DNAH9: variants seen among roughly 807,000 people sequenced by gnomAD.
The protein encoded by DNAH9 is DNAH9 variant protein.
In DNAH9, 345 loss-of-function variants were observed where a neutral mutation model predicts 471.6. The ratio of observed to expected loss-of-function variants is 0.73; its 90% CI spans 0.67 to 0.80. The LOEUF is 0.80. Among genes scored for constraint, DNAH9 ranks in the 30% least tolerant of loss-of-function variants. The pLI is 0.00. For synonymous variants in DNAH9, 2,093 were observed against 2,123.6 expected (o/e 0.99, Z 0.40); for missense variants, 5,407 against 5,609.2 (o/e 0.96, Z 1.15).
At chr17:11,868,609 C>T (rs142513698) in intron 50 of DNAH9, among the ~76,000 whole-genome samples, 8 of 152,148 alleles carry the variant, frequency 5.3e-5, no homozygotes, top group African/African-American at 1.2e-4. Context: ...CAGCCCAGCC[C>T]CAGACTAGCT....
chr17:11,697,713 C>T (rs182102599), intron 22 of DNAH9, among the ~76,000 whole-genome samples: 102 of 152,140 alleles, frequency 6.7e-4, no homozygotes, highest in Middle Eastern at 3.4e-3. Flanking sequence ...TCTCTTTCAT[C>T]GTATTTTTAT....
Position 11,797,570 on chromosome 17 carries a change from G to C in DNAH9, c.8224-27G>C, listed in dbSNP as rs374490233. The stretch of plus-strand genomic sequence containing the variant: ...CCAGCCCCAGAAGTCAATAATGAGG[G>C]CCCTTATTCCTGTGTCTCATCACCA... On this transcript the variant is annotated intron_variant, in intron 42 of 68. Transcript: ENST00000262442. 5 of 1,575,406 alleles carry C rather than the reference G, an allele frequency of 3.2e-6. No homozygotes were observed. In the Admixed American group the frequency reaches 5.3e-5, roughly 17 times the overall value.
chr17:11,707,959 C>CCACA (rs756020074), intron 26 of DNAH9, among the ~76,000 whole-genome samples: 3 of 106,540 alleles, frequency 2.8e-5, no homozygotes, highest in East Asian at 3.0e-4. Flanking sequence ...GCCTCTCCCA[C>CCACA]CACACACACA....
chr17:11,605,064 C>T (rs2072470754), intron 1 of DNAH9, among the ~76,000 whole-genome samples: 1 of 152,280 alleles, frequency 6.6e-6, no homozygotes, highest in African/African-American at 2.4e-5. Flanking sequence ...ACTCTGTCCC[C>T]GCTTTCCTTG....
intron 3 of DNAH9, 145 bp from the exon 4 acceptor site, chr17:11,611,505 G>A: frequency 1.2e-6 from 1 of 801,820 alleles, no homozygotes; most frequent in Non-Finnish European, 2.0e-6. Flanking sequence ...GGGAACAGAT[G>A]TCCAGGCTCT....
At chr17:11,616,278 A>G (rs1421569427) in intron 4 of DNAH9, among the ~76,000 whole-genome samples, 1 of 152,230 alleles carries the variant, frequency 6.6e-6, no homozygotes, top group African/African-American at 2.4e-5. Context: ...GATAGTAAGT[A>G]GAACAATTCC....
intron 68 of DNAH9, among the ~76,000 whole-genome samples, chr17:11,964,440 A>C (rs1976516266): frequency 6.6e-6 from 1 of 152,186 alleles, no homozygotes; most frequent in Non-Finnish European, 1.5e-5. Context: ...ATTGTAAATA[A>C]TAATAAAAAC....
chr17:11,797,213 T>C (rs923682636), intron 42 of DNAH9, among the ~76,000 whole-genome samples: 8 of 152,150 alleles, frequency 5.3e-5, no homozygotes, highest in Non-Finnish European at 8.8e-5. Context: ...GGAATGTACA[T>C]GCAGAAAGTG....
At chr17:11,659,658 C>G (rs1256667553) in intron 14 of DNAH9, among the ~76,000 whole-genome samples, 1 of 152,264 alleles carries the variant, frequency 6.6e-6, no homozygotes, top group Non-Finnish European at 1.5e-5. Flanking sequence ...TAAACCGTCA[C>G]AGCTACGCTT....
chr17:11,951,150 T>C (rs1441822858), intron 67 of DNAH9, among the ~76,000 whole-genome samples: 1 of 152,226 alleles, frequency 6.6e-6, no homozygotes, highest in Non-Finnish European at 1.5e-5. Context: ...GCTGTATTGT[T>C]TGTAAAGGCA....
intron 48 of DNAH9, among the ~76,000 whole-genome samples, chr17:11,823,827 G>A (rs1281949075): frequency 6.6e-6 from 1 of 151,980 alleles, no homozygotes; most frequent in Non-Finnish European, 1.5e-5. Flanking sequence ...CCACTCAGGA[G>A]GCTGAGGCAG....
chr17:11,720,071 G>A (rs1040324932), intron 27 of DNAH9, among the ~76,000 whole-genome samples: 5 of 151,986 alleles, frequency 3.3e-5, no homozygotes, highest in African/African-American at 7.3e-5. Context: ...ATTCAGGCAC[G>A]TACAATTTTT....
At chr17:11,600,064 G>C (rs967834718) in intron 1 of DNAH9, among the ~76,000 whole-genome samples, 3 of 152,228 alleles carry the variant, frequency 2.0e-5, no homozygotes, top group Admixed American at 6.5e-5. Context: ...AAAATTCCAG[G>C]GAAAGGGTTG....
intron 59 of DNAH9, among the ~76,000 whole-genome samples, chr17:11,899,301 T>C (rs73298453): frequency 0.012 from 1,839 of 152,314 alleles, 37 homozygotes; most frequent in African/African-American, 0.042. Context: ...CTTTTATTAA[T>C]ATCCTTTGTA....
chr17:11,667,104 C>G (rs1276798936), intron 15 of DNAH9, among the ~76,000 whole-genome samples: 1 of 152,094 alleles, frequency 6.6e-6, no homozygotes, highest in Non-Finnish European at 1.5e-5. Flanking sequence ...GATTACAGTC[C>G]CATGTCAACA....
chr17:11,958,765 C>T (rs975015317), intron 67 of DNAH9, among the ~76,000 whole-genome samples: 1 of 151,718 alleles, frequency 6.6e-6, no homozygotes, highest in Non-Finnish European at 1.5e-5. Context: ...TAAGAAAAGG[C>T]ATAGAGAAAA....
At chr17:11,714,846 G>A (rs1415387975) in intron 26 of DNAH9, among the ~76,000 whole-genome samples, 2 of 152,094 alleles carry the variant, frequency 1.3e-5, no homozygotes, top group East Asian at 1.9e-4. Flanking sequence ...GGCCAACAGG[G>A]ACCTCAGAAG....
At position 11,886,922 on chromosome 17, in the gene DNAH9, A is replaced by G. The variant is rs1231476481; in HGVS notation, c.11069A>G (p.Asn3690Ser). 3 of 1,612,954 alleles carry G rather than the reference A, an allele frequency of 1.9e-6. No homozygotes were observed. The African/African-American group carries it at 4.0e-5, about 22-fold the overall frequency. The change falls in exon 57 of 69, where the codon AAC becomes AGC. Residue 3690 changes from asparagine to serine, a missense_variant. By Grantham distance (46) the Asn-to-Ser change is conservative (BLOSUM62 1). Coordinates refer to ENST00000262442, the MANE Select transcript of DNAH9 (RefSeq NM_001372.4). ...GCCTCACTGCTCTACTTCATCATGA[A>G]CGACCTCAGCAAGATCCATCCAATG... ...ARASLLYFIM[N>S]DLSKIHPMYQ...
chr17:11,865,934 A>G (rs966438030), intron 50 of DNAH9, among the ~76,000 whole-genome samples: 13 of 152,132 alleles, frequency 8.5e-5, no homozygotes, highest in Non-Finnish European at 1.5e-4. Context: ...AATTTGTTTC[A>G]AAGTTTTTAA....
Sources: gnomAD v4.1 joint callset for allele counts (sites outside exome capture counted in the v4.1 genomes callset) on GRCh38, gnomAD v4.1.1 for gene constraint, MANE v1.5 for transcripts, NCBI Gene and HGNC (gene_info 2026-07-23, HGNC 2026-07-21) for gene names.